SPTBN5: variants seen among roughly 807,000 people sequenced by gnomAD.
The protein encoded by SPTBN5 is spectrin beta chain, non-erythrocytic 5.
Under a neutral mutation model 477.6 loss-of-function variants are expected in SPTBN5, and 513 were observed. The ratio of observed to expected loss-of-function variants is 1.07; its 90% CI spans 1.00 to 1.16. SPTBN5 has a LOEUF of 1.16. Among genes scored for constraint, SPTBN5 ranks in the 50% most tolerant of loss-of-function variants. SPTBN5 has a pLI of 0.00. For synonymous variants in SPTBN5, 2,169 were observed against 2,011.7 expected (o/e 1.08, Z -2.09); for missense variants, 5,062 against 4,731.8 (o/e 1.07, Z -2.05).
Position 41,868,673 on chromosome 15 carries a change from A to G in SPTBN5, c.5854-72T>C, listed in dbSNP as rs543939223. The G allele has an allele frequency of 8.0e-6, 12 of 1,500,294 alleles. No individual in the cohort carries two copies. In the East Asian group the frequency reaches 2.7e-4, roughly 34 times the overall value. 92.9% of individuals were successfully genotyped at this position (1,500,294 alleles called of 1,614,324 possible). ...GCAGCAGGAAACCAGGTGCTGAGGC[A>G]ACTGCAGCCCACCTGAGTCCACTCA... On this transcript the variant is annotated intron_variant, in intron 32 of 67. Transcript: ENST00000320955.
At position 41,887,143 on chromosome 15, in the gene SPTBN5, G is replaced by A; in HGVS notation, c.888+70C>T. The A allele has an allele frequency of 3.6e-6, 5 of 1,401,672 alleles. No individual in the cohort carries two copies. The East Asian group carries it at 1.2e-4, about 35-fold the overall frequency. 86.8% of individuals were successfully genotyped at this position (1,401,672 alleles called of 1,614,324 possible). On this transcript the variant is annotated intron_variant, in intron 6 of 67. Transcript: ENST00000320955. ...AGGCCACACAGCTAGTACGTGGCAG[G>A]GCAGGCTTCACGCTTAGGCCTGTCT...
intron 15 of SPTBN5, 66 bp downstream of exon 15, chr15:41,879,668 G>C: frequency 6.3e-7 from 1 of 1,587,522 alleles, no homozygotes; most frequent in Non-Finnish European, 8.6e-7. Flanking sequence ...GGAGGCAGGT[G>C]AGTCAGGCCC....
In SPTBN5 at chr15:41,873,980, G is replaced by A; in HGVS notation, c.4755C>T (p.Ser1585=). 3 of 1,606,032 alleles carry A rather than the reference G, an allele frequency of 1.9e-6. No individual in the cohort carries two copies. Among genetic ancestry groups the A allele is most frequent in the Non-Finnish European group, 2.5e-6 (3 of 1,179,766 alleles). ...QVQRVLSSGR[S]LAASGHPQAQ... ...CTTGGGGGTGCCCTGAGGCTGCCAG[G>A]CTCCGCCCAGAACTCAGCACCCGTT... The change falls in exon 25 of 68, where the codon AGC becomes AGT. Residue 1585 remains serine, a synonymous_variant. Transcript: ENST00000320955.
intron 44 of SPTBN5, 75 bp from the exon 45 acceptor site, chr15:41,861,998 T>C: frequency 1.3e-6 from 2 of 1,538,856 alleles, no homozygotes; most frequent in Non-Finnish European, 8.7e-7. Context: ...GGGAAGCAGC[T>C]GAGGAGCGGG....
intron 2 of SPTBN5, 25 bp from the exon 3 acceptor site, chr15:41,893,086 T>C: frequency 6.2e-7 from 1 of 1,605,836 alleles, no homozygotes; most frequent in Non-Finnish European, 8.5e-7. Context: ...GGGGTAAGTA[T>C]GGGGTCAGCC....
chr15:41,868,332 C>T, intron 33 of SPTBN5, 66 bp downstream of exon 33: 1 of 1,564,474 alleles, frequency 6.4e-7, no homozygotes. Context: ...TAGGACGGGG[C>T]ACCAGGTGGC....
intron 5 of SPTBN5, 41 bp from the exon 6 acceptor site, chr15:41,887,482 T>A: frequency 6.8e-7 from 1 of 1,460,266 alleles, no homozygotes; most frequent in Non-Finnish European, 9.4e-7. Flanking sequence ...AGCAGGAACC[T>A]ACTGCTTTCC....
chr15:41,879,771 T>C lies in SPTBN5; in HGVS notation c.2905A>G (p.Thr969Ala). ...TCCTCCTGCTGTCGTTGGATTTGTG[T>C]GGAGTTCCCAGGATATCTCTGCCTC... ...QLRQRYPGNSTQIQRQQEELS... is the reference protein window; with the variant it reads ...QLRQRYPGNSAQIQRQQEELS... Residue 969 changes from threonine to alanine, a missense_variant, in exon 15 of 68, where the codon ACA becomes GCA. Transcript: ENST00000320955. 1 of 1,614,038 alleles carries C rather than the reference T, an allele frequency of 6.2e-7. No individual in the cohort carries two copies. The highest frequency in any genetic ancestry group is 8.5e-7 in the Non-Finnish European group (1 of 1,179,892).
chr15:41,877,512 C>A (rs373841211), intron 17 of SPTBN5, among the ~76,000 whole-genome samples, 156 bp from the exon 18 acceptor site: 14 of 152,384 alleles, frequency 9.2e-5, no homozygotes, highest in South Asian at 6.2e-4. Context: ...GTTCCCAATC[C>A]CCCATCGGCT....
At position 41,851,294 on chromosome 15, in the gene SPTBN5, T is replaced by TC. The variant is rs1304612080; in HGVS notation, c.10731dup (p.Met3578AspfsTer13). 6.4e-7 allele frequency: 1 copy of TC among 1,551,102 alleles called. No homozygotes were observed. Among genetic ancestry groups the TC allele is most frequent in the Non-Finnish European group, 8.7e-7 (1 of 1,147,026 alleles). On this transcript the variant is annotated frameshift_variant, in exon 64 of 68. Transcript: ENST00000320955. LOFTEE classifies it high-confidence loss of function. The stretch of plus-strand genomic sequence containing the variant: ...ACCCCGCCTGGTACCTCCGCTGCCA[T>TC]CCTCTCATCCAGGAACAGGCTCAGA...
rs1422089344 is a variant in SPTBN5, at chr15:41,878,434, G to A, written c.3378C>T (p.Arg1126=). 2.5e-6 allele frequency: 4 copies of A among 1,613,592 alleles called. No individual in the cohort carries two copies. Among genetic ancestry groups the A allele is most frequent in the African/African-American group, 1.3e-5 (1 of 74,938 alleles). The change falls in exon 17 of 68, where the codon CGC becomes CGT. Residue 1126 remains arginine, a synonymous_variant. Coordinates refer to ENST00000320955, the MANE Select transcript of SPTBN5 (RefSeq NM_016642.4). ...LWAESVQAQL[R]SKEVSVDVAS... ...CCACATCCACTGACACCTCCTTGCT[G>A]CGCAGCTGAGCCTGGACACTCTCTG... is the stretch of plus-strand genomic sequence containing the variant.
intron 66 of SPTBN5, 105 bp downstream of exon 66, chr15:41,850,749 A>T: frequency 2.1e-6 from 2 of 968,490 alleles, no homozygotes; most frequent in South Asian, 3.4e-5. Context: ...GAGGTTAGAG[A>T]TGCTAACTGT....
intron 5 of SPTBN5, 24 bp from the exon 6 acceptor site, chr15:41,887,465 C>G: frequency 6.5e-7 from 1 of 1,527,096 alleles, no homozygotes; most frequent in Non-Finnish European, 8.9e-7. Context: ...GAGAAGGGCT[C>G]TTCACCAGCA....
intron 41 of SPTBN5, among the ~76,000 whole-genome samples, chr15:41,863,194 G>A (rs568228031): frequency 1.3e-5 from 2 of 152,370 alleles, no homozygotes; most frequent in South Asian, 2.1e-4. Context: ...GAGCAAGGAT[G>A]GACAGACAGG....
chr15:41,870,143 T>C, intron 31 of SPTBN5, 100 bp downstream of exon 31: 1 of 1,457,516 alleles, frequency 6.9e-7, no homozygotes, highest in Non-Finnish European at 9.1e-7. Context: ...AGGAGGCCCA[T>C]GGGAGGCCCT....
At chr15:41,868,303 A>G (rs2066406869) in intron 33 of SPTBN5, 85 bp from the exon 34 acceptor site, 1 of 1,563,652 alleles carries the variant, frequency 6.4e-7, no homozygotes, top group African/African-American at 1.4e-5. Flanking sequence ...GCTCCTGAGG[A>G]GAGGCCAGCA....
intron 16 of SPTBN5, among the ~76,000 whole-genome samples, 178 bp from the exon 17 acceptor site, chr15:41,878,807 C>A (rs1224985629): frequency 6.6e-6 from 1 of 152,180 alleles, no homozygotes; most frequent in African/African-American, 2.4e-5. Flanking sequence ...GTGGCTCAAG[C>A]CTGTAATCCC....
At chr15:41,877,678 A>G (rs2066791272) in intron 17 of SPTBN5, among the ~76,000 whole-genome samples, 1 of 152,124 alleles carries the variant, frequency 6.6e-6, no homozygotes, top group African/African-American at 2.4e-5. Context: ...TTGAACAATC[A>G]GAAAAGGTGC....
Position 41,849,933 on chromosome 15 carries a change from C to G in SPTBN5, c.10948G>C (p.Ala3650Pro). ...TCATTCAGAGAGCTGACAGGTTTGG[C>G]TTTGAGTTTTGGGCTCAGACTCTGG... is the stretch of plus-strand genomic sequence containing the variant. ...AAQSLSPKLK[A>P]KPVSSLNECT... Residue 3650 changes from alanine (A) to proline (P), a missense_variant, in exon 67 of 68, where the codon GCC becomes CCC. Coordinates refer to ENST00000320955, the MANE Select transcript of SPTBN5 (RefSeq NM_016642.4). 6.3e-7 allele frequency: 1 copy of G among 1,596,230 alleles called. No individual in the cohort carries two copies. Among genetic ancestry groups the G allele is most frequent in the Non-Finnish European group, 8.5e-7 (1 of 1,171,220 alleles).
Sources: gnomAD v4.1 joint callset for allele counts (sites outside exome capture counted in the v4.1 genomes callset) on GRCh38, gnomAD v4.1.1 for gene constraint, MANE v1.5 for transcripts, NCBI Gene and HGNC (gene_info 2026-07-23, HGNC 2026-07-21) for gene names.